FGF14: variants seen among roughly 807,000 people sequenced by gnomAD.
The protein encoded by FGF14 is fibroblast growth factor homologous factor 4.
A neutral mutation model predicts 25.5 loss-of-function variants in FGF14; 5 were observed. That is an observed-to-expected ratio of 0.20 (90% CI 0.10 to 0.41). The LOEUF (loss-of-function observed/expected upper bound fraction) is 0.41, where lower values mean the gene tolerates loss of function less well. Ranked by LOEUF, FGF14 falls within the 10% of genes least tolerant of loss-of-function variation. FGF14 has a pLI of 1.00. For synonymous variants in FGF14, 138 were observed against 118.3 expected (o/e 1.17, Z -1.08); for missense variants, 222 against 320.1 (o/e 0.69, Z 2.34).
chr13:101,913,260 A>G (rs917172873), intron 1 of FGF14, among the ~76,000 whole-genome samples: 1 of 152,200 alleles, frequency 6.6e-6, no homozygotes, highest in Admixed American at 6.5e-5. Context: ...ATTGTGTTTG[A>G]AATCTGTGGA....
At chr13:102,308,547 G>A (rs1321602387) in intron 1 of FGF14, among the ~76,000 whole-genome samples, 1 of 152,098 alleles carries the variant, frequency 6.6e-6, no homozygotes, top group Admixed American at 6.5e-5. Context: ...TAATGTTCTA[G>A]TAAAATTCAA....
chr13:101,748,747 TAAAAAAAAAA>T (rs55785965), intron 3 of FGF14, among the ~76,000 whole-genome samples: 4 of 70,720 alleles, frequency 5.7e-5, no homozygotes, highest in South Asian at 1.3e-3. Flanking sequence ...TGGAGGTTTC[TAAAAAAAAAA>T]AAAAAAAAAA....
chr13:102,334,520 C>T (rs1284296230), intron 1 of FGF14, among the ~76,000 whole-genome samples: 1 of 152,116 alleles, frequency 6.6e-6, no homozygotes, highest in Non-Finnish European at 1.5e-5. Context: ...TAGCTCTACT[C>T]AGTGAAATAA....
intron 3 of FGF14, among the ~76,000 whole-genome samples, chr13:101,842,984 C>T (rs753815225): frequency 5.9e-5 from 9 of 152,040 alleles, no homozygotes; most frequent in Non-Finnish European, 1.2e-4. Flanking sequence ...ATCATCCTAA[C>T]GACTGTTCGT....
chr13:102,372,721 T>C (rs545914651), intron 1 of FGF14, among the ~76,000 whole-genome samples: 1 of 152,246 alleles, frequency 6.6e-6, no homozygotes, highest in Non-Finnish European at 1.5e-5. Context: ...GTCTCAGGAC[T>C]TTTTCCTACC....
At chr13:101,900,358 A>G (rs1159962292) in intron 1 of FGF14, among the ~76,000 whole-genome samples, 3 of 152,166 alleles carry the variant, frequency 2.0e-5, no homozygotes, top group Admixed American at 1.3e-4. Flanking sequence ...CAAAAAAATT[A>G]CAATAGGAAA....
intron 1 of FGF14, among the ~76,000 whole-genome samples, chr13:102,184,151 G>A (rs1209611507): frequency 6.6e-6 from 1 of 152,192 alleles, no homozygotes; most frequent in African/African-American, 2.4e-5. Context: ...GTAAGAGAAG[G>A]TGGGGATGGG....
At chr13:101,977,999 C>A (rs544736362) in intron 1 of FGF14, among the ~76,000 whole-genome samples, 3 of 150,434 alleles carry the variant, frequency 2.0e-5, no homozygotes, top group African/African-American at 7.3e-5. Flanking sequence ...TGCTAGTGAA[C>A]TAAAATTTCC....
chr13:102,319,511 T>C (rs951247999), intron 1 of FGF14, among the ~76,000 whole-genome samples: 2 of 152,340 alleles, frequency 1.3e-5, no homozygotes, highest in East Asian at 1.9e-4. Flanking sequence ...CCATACAGCA[T>C]GGCTGCGCTA....
intron 1 of FGF14, among the ~76,000 whole-genome samples, chr13:102,019,157 C>T (rs565804788): frequency 6.6e-6 from 1 of 152,094 alleles, no homozygotes; most frequent in South Asian, 2.1e-4. Context: ...GTTGGTCAAA[C>T]CCTATCCTCA....
At chr13:102,209,635 T>C (rs1026346644) in intron 1 of FGF14, among the ~76,000 whole-genome samples, 1 of 152,152 alleles carries the variant, frequency 6.6e-6, no homozygotes, top group Non-Finnish European at 1.5e-5. Flanking sequence ...TCTCAGCATC[T>C]GGGAATCATG....
intron 1 of FGF14, among the ~76,000 whole-genome samples, chr13:101,992,777 C>A (rs2139681332): frequency 6.6e-6 from 1 of 151,754 alleles, no homozygotes; most frequent in East Asian, 1.9e-4. Flanking sequence ...ATAGAAATTT[C>A]CAAAATTGAA....
At chr13:101,935,160 G>A (rs1449642502) in intron 1 of FGF14, among the ~76,000 whole-genome samples, 1 of 152,172 alleles carries the variant, frequency 6.6e-6, no homozygotes, top group Admixed American at 6.5e-5. Flanking sequence ...AAATAATAAA[G>A]GAAATCTCAT....
At chr13:102,135,927 A>C (rs993179029) in intron 1 of FGF14, among the ~76,000 whole-genome samples, 1 of 152,186 alleles carries the variant, frequency 6.6e-6, no homozygotes, top group African/African-American at 2.4e-5. Context: ...AAGTGTTGGG[A>C]TTATAGACAT....
intron 1 of FGF14, among the ~76,000 whole-genome samples, chr13:102,055,513 G>C (rs1326486476): frequency 6.6e-6 from 1 of 152,098 alleles, no homozygotes; most frequent in Non-Finnish European, 1.5e-5. Flanking sequence ...ATCCTACTTG[G>C]AATAAAATCT....
chr13:102,300,434 GCTGAAAAGTGTCT>G (rs2054971748), intron 1 of FGF14, among the ~76,000 whole-genome samples: 1 of 152,112 alleles, frequency 6.6e-6, no homozygotes, highest in Non-Finnish European at 1.5e-5. Context: ...TTATTCAACA[GCTGAAAAGTGTCT>G]TTCTCCAGAT....
intron 1 of FGF14, among the ~76,000 whole-genome samples, chr13:102,312,717 T>C (rs2055834233): frequency 2.0e-5 from 3 of 152,194 alleles, no homozygotes; most frequent in Admixed American, 1.3e-4. Context: ...AGGAAGTGTA[T>C]TGTTTTGTTT....
chr13:102,068,930 G>A (rs1448457916), intron 1 of FGF14, among the ~76,000 whole-genome samples: 1 of 94,812 alleles, frequency 1.1e-5, no homozygotes, highest in Non-Finnish European at 1.8e-5. Context: ...GAAGCCAGCT[G>A]GGCTCCTGAT....
chr13:102,002,777 G>A (rs2139745842), intron 1 of FGF14: 1 of 152,248 alleles, frequency 6.6e-6, no homozygotes, highest in East Asian at 1.9e-4. Flanking sequence ...AAACTATTTT[G>A]GAAAAGGATC....
Sources: allele counts gnomAD v4.1 joint callset (sites outside exome capture counted in the v4.1 genomes callset), GRCh38; gene constraint gnomAD v4.1.1; transcripts MANE v1.5; gene names NCBI Gene and HGNC (gene_info 2026-07-23, HGNC 2026-07-21).